Variants in CMTM4 observed in about 807,000 individuals in gnomAD.
CMTM4 encodes CKLF-like MARVEL transmembrane domain-containing protein 4.
In CMTM4, 8 loss-of-function variants were observed where a neutral mutation model predicts 19.0. That is an observed-to-expected ratio of 0.42 (90% CI 0.25 to 0.76). CMTM4 has a LOEUF of 0.76. Ranked by LOEUF, CMTM4 falls within the 30% of genes least tolerant of loss-of-function variation. CMTM4 has a pLI of 0.27. For missense variants in CMTM4, 228 were observed against 290.2 expected (o/e 0.79, Z 1.56); for synonymous variants, 106 against 121.1 (o/e 0.88, Z 0.82).
intron 1 of CMTM4, among the ~76,000 whole-genome samples, chr16:66,686,904 AAACAT>A (rs1428487155): frequency 6.6e-6 from 1 of 152,196 alleles, no homozygotes; most frequent in African/African-American, 2.4e-5. Context: ...AAAAACTAGA[AAACAT>A]AATCACCAGA....
chr16:66,610,922 C>T (rs1456980097), downstream of CMTM4: 7 of 398,474 alleles, frequency 1.8e-5, no homozygotes, highest in Non-Finnish European at 2.7e-5. This position sits in a 1 kb window ranked among gnomAD's most constrained non-coding sequence, Gnocchi z 4.6. Flanking sequence ...GCCACTCATC[C>T]CATCCCGTCC....
intron 1 of CMTM4, among the ~76,000 whole-genome samples, chr16:66,667,056 G>A (rs531583979): frequency 9.8e-5 from 15 of 152,352 alleles, no homozygotes; most frequent in Admixed American, 5.2e-4. Flanking sequence ...CGGGCACAGC[G>A]GCTTACGCCT....
intron 1 of CMTM4, among the ~76,000 whole-genome samples, chr16:66,640,211 G>C (rs1419349112): frequency 6.6e-6 from 1 of 152,112 alleles, no homozygotes; most frequent in African/African-American, 2.4e-5. Context: ...TGAAACAAGA[G>C]AACTGCTTGA....
rs1275362295 is a variant in CMTM4, at chr16:66,696,563, C to T, written c.-38G>A. On this transcript the variant is annotated 5_prime_UTR_variant, in exon 1 of 4. Transcript: ENST00000394106. This position sits in a 1 kb window ranked among gnomAD's most constrained non-coding sequence, Gnocchi z 4.3. ...CCCGGGCCGCCTCGCGCGGCTGGCT[C>T]CCGGCGCCAGGAGCGGGCGGACTCA... 8.7e-7 allele frequency: 1 copy of T among 1,145,828 alleles called. No homozygotes were observed. Among genetic ancestry groups the T allele is most frequent in the Non-Finnish European group, 1.1e-6 (1 of 932,230 alleles). 71.0% of individuals were successfully genotyped at this position (1,145,828 alleles called of 1,614,324 possible). A position where few individuals can be genotyped will look rare whatever the true frequency, so the allele number is the denominator to read the frequency against.
At chr16:66,677,543 A>G (rs2016830807) in intron 1 of CMTM4, among the ~76,000 whole-genome samples, 1 of 152,252 alleles carries the variant, frequency 6.6e-6, no homozygotes, top group African/African-American at 2.4e-5. Context: ...CATTTTAACA[A>G]TAACAACACT....
intron 1 of CMTM4, among the ~76,000 whole-genome samples, chr16:66,687,355 A>G (rs900013142): frequency 6.6e-6 from 1 of 152,232 alleles, no homozygotes; most frequent in Admixed American, 6.5e-5. Flanking sequence ...TTTGAATAGA[A>G]GGTACTTGCA....
chr16:66,685,950 T>G (rs1180873120), intron 1 of CMTM4, among the ~76,000 whole-genome samples: 1 of 152,074 alleles, frequency 6.6e-6, no homozygotes, highest in Non-Finnish European at 1.5e-5. Flanking sequence ...TGGCCTGATT[T>G]CTAATTAAGA....
chr16:66,687,047 C>A (rs2017046647), intron 1 of CMTM4, among the ~76,000 whole-genome samples: 1 of 151,502 alleles, frequency 6.6e-6, no homozygotes, highest in Non-Finnish European at 1.5e-5. Context: ...ACAACATTTT[C>A]ACTAACAAAT....
intron 2 of CMTM4, among the ~76,000 whole-genome samples, chr16:66,631,850 T>C (rs1460998751): frequency 6.6e-6 from 1 of 152,118 alleles, no homozygotes; most frequent in African/African-American, 2.4e-5. Flanking sequence ...CACTTGTGTA[T>C]CTGCTGACCT....
At chr16:66,628,304 T>C (rs1056062708) in intron 2 of CMTM4, among the ~76,000 whole-genome samples, 4 of 152,204 alleles carry the variant, frequency 2.6e-5, no homozygotes, top group Non-Finnish European at 5.9e-5. Flanking sequence ...GCACAGACCC[T>C]TTACGGGTGT....
Position 66,618,600 on chromosome 16 carries a change from T to C in CMTM4, c.*3458A>G, listed in dbSNP as rs2015570079. On this transcript the variant is annotated 3_prime_UTR_variant, in exon 4 of 4. Transcript: ENST00000394106. ...CGCAGGACATGGCACCCACTAGGGT[T>C]GTTCAGGTCTCATTCACTGCAAGCA... The C allele has an allele frequency of 3.0e-6, 3 of 985,482 alleles. No homozygotes were observed. The highest frequency in any genetic ancestry group is 3.6e-6 in the Non-Finnish European group (3 of 829,946). The allele number at this position is 985,482 out of a possible 1,614,324, so 61.0% of individuals were successfully genotyped here.
intron 1 of CMTM4, among the ~76,000 whole-genome samples, chr16:66,690,346 C>T (rs1418798778): frequency 6.6e-6 from 1 of 152,326 alleles, no homozygotes; most frequent in Middle Eastern, 3.4e-3. Context: ...TCTTACGAAT[C>T]AGGAACCCAG....
intron 1 of CMTM4, among the ~76,000 whole-genome samples, chr16:66,675,469 A>AC (rs1399859229): frequency 2.8e-4 from 42 of 151,470 alleles, no homozygotes; most frequent in African/African-American, 9.4e-4. Flanking sequence ...AAAAAAAAAA[A>AC]AAAAAAAACC....
In CMTM4 at chr16:66,621,679, C is replaced by G; in HGVS notation, c.*379G>C. On this transcript the variant is annotated 3_prime_UTR_variant, in exon 4 of 4. Transcript: ENST00000394106. ...TGCCTGAGAACCACTGCCGACTGAC[C>G]GTTCCAATGCTGTCCCTTCATTCCT... 9.7e-7 allele frequency: 1 copy of G among 1,028,730 alleles called. No homozygotes were observed. The highest frequency in any genetic ancestry group is 1.2e-6 in the Non-Finnish European group (1 of 854,444). The allele number at this position is 1,028,730 out of a possible 1,614,324, so 63.7% of individuals were successfully genotyped here.
Position 66,634,060 on chromosome 16 carries a change from C to T in CMTM4, c.363+2345G>A, listed in dbSNP as rs144013187. On this transcript the variant is annotated intron_variant, in intron 2 of 3. Coordinates refer to ENST00000394106, the MANE Select transcript of CMTM4 (RefSeq NM_181521.3). ...GGGGAGAGATGCACCTCAACATGACCGGTGACATGGTAGTGTGGTAGTCAA... is the reference window on the plus strand; with the variant it reads ...GGGGAGAGATGCACCTCAACATGACTGGTGACATGGTAGTGTGGTAGTCAA... Among the ~76,000 whole-genome samples, 7 of 152,210 alleles carry T rather than the reference C, an allele frequency of 4.6e-5. No individual in the cohort carries two copies. In the South Asian group the frequency reaches 8.3e-4, roughly 18 times the overall value.
rs545784426 is a variant in CMTM4 at position 66,670,419 on chromosome 16, G to A, written c.186+25921C>T. On this transcript the variant is annotated intron_variant, in intron 1 of 3. Coordinates refer to ENST00000394106, the MANE Select transcript of CMTM4 (RefSeq NM_181521.3). ...CAGCGAGCCAAGATCCAACCTGGGC[G>A]ACAGAGCAAGACTCTGTCTCAAAAA... Among the ~76,000 whole-genome samples the A allele has an allele frequency of 7.7e-3, 1,045 of 135,724 alleles. 11 individuals carry two copies. The highest frequency in any genetic ancestry group is 0.028 in the African/African-American group (972 of 35,228). 89.0% of individuals were successfully genotyped at this position (135,724 alleles called of 152,430 possible).
intron 2 of CMTM4, among the ~76,000 whole-genome samples, chr16:66,628,217 C>T (rs1438622787): frequency 6.6e-6 from 1 of 152,212 alleles, no homozygotes; most frequent in Non-Finnish European, 1.5e-5. Flanking sequence ...ACATTCCGTT[C>T]CCAGGGGCAG....
intron 1 of CMTM4, among the ~76,000 whole-genome samples, chr16:66,648,839 G>A (rs1003549102): frequency 1.3e-5 from 2 of 152,028 alleles, no homozygotes; most frequent in African/African-American, 4.8e-5. Flanking sequence ...GGGTGTGGTA[G>A]CGCAGGCCTA....
chr16:66,694,263 CT>C (rs2144934647), intron 1 of CMTM4, among the ~76,000 whole-genome samples: 1 of 152,202 alleles, frequency 6.6e-6, no homozygotes, highest in Non-Finnish European at 1.5e-5. Flanking sequence ...TTACTAGATC[CT>C]TTTAGGGACA....
Sources: allele counts gnomAD v4.1 joint callset (sites outside exome capture counted in the v4.1 genomes callset), GRCh38; gene constraint gnomAD v4.1.1; non-coding constraint Gnocchi (gnomAD v3.1); transcripts MANE v1.5; gene names NCBI Gene and HGNC (gene_info 2026-07-23, HGNC 2026-07-21).